The following CACNB2 variants were observed in gnomAD, a reference collection of about 807,000 sequenced individuals.
CACNB2 encodes the protein voltage-dependent L-type calcium channel subunit beta-2.
A neutral mutation model predicts 73.3 loss-of-function variants in CACNB2; 42 were observed. The observed-to-expected ratio is 0.57, with a 90% confidence interval of 0.45 to 0.74. The LOEUF (loss-of-function observed/expected upper bound fraction) is 0.74. CACNB2 is among the 30% of genes least tolerant of loss of function. CACNB2 has a pLI of 0.00. For missense variants in CACNB2, 940 were observed against 853.0 expected (o/e 1.10, Z -1.27); for synonymous variants, 348 against 310.3 (o/e 1.12, Z -1.28).
At chr10:18,195,757 A>T (rs1405337800) in intron 2 of CACNB2, among the ~76,000 whole-genome samples, 2 of 152,176 alleles carry the variant, frequency 1.3e-5, no homozygotes, top group East Asian at 3.9e-4. Flanking sequence ...ACTGGTTCTG[A>T]CACTGGTCCA....
chr10:18,489,868 G>T (rs2049308466), intron 3 of CACNB2, among the ~76,000 whole-genome samples: 1 of 152,028 alleles, frequency 6.6e-6, no homozygotes, highest in Non-Finnish European at 1.5e-5. Flanking sequence ...AACAAGACAT[G>T]GCCTTGGTGT....
chr10:18,365,404 A>G (rs1206073594), intron 2 of CACNB2, among the ~76,000 whole-genome samples: 1 of 152,172 alleles, frequency 6.6e-6, no homozygotes, highest in Non-Finnish European at 1.5e-5. Context: ...GTGACGGCCA[A>G]TTATTTACAA....
chr10:18,524,795 G>A (rs1244436761), intron 9 of CACNB2, among the ~76,000 whole-genome samples: 1 of 151,282 alleles, frequency 6.6e-6, no homozygotes, highest in Non-Finnish European at 1.5e-5. Flanking sequence ...GAGGCTAAGG[G>A]AGGAGGACTG....
At chr10:18,161,367 G>A (rs190720746) in intron 2 of CACNB2, among the ~76,000 whole-genome samples, 196 of 152,238 alleles carry the variant, frequency 1.3e-3, no homozygotes, top group Non-Finnish European at 2.1e-3. Flanking sequence ...TATGGGGATC[G>A]TGTGATTGTT....
At chr10:18,505,194 A>T (rs939869722) in intron 5 of CACNB2, among the ~76,000 whole-genome samples, 2 of 152,162 alleles carry the variant, frequency 1.3e-5, no homozygotes, top group African/African-American at 4.8e-5. Context: ...CTAAAATTCA[A>T]AGGGAATATA....
At chr10:18,248,281 T>A (rs1170397104) in intron 2 of CACNB2, among the ~76,000 whole-genome samples, 1 of 152,214 alleles carries the variant, frequency 6.6e-6, no homozygotes, top group East Asian at 1.9e-4. Flanking sequence ...ATGAGTTGGA[T>A]CTTTCAAAAA....
chr10:18,464,418 T>TTAAAAAAAAAAAAAAAAAAAAAAA (rs1360690647), intron 3 of CACNB2, among the ~76,000 whole-genome samples: 15 of 85,302 alleles, frequency 1.8e-4, no homozygotes, highest in South Asian at 5.3e-4. Flanking sequence ...TCTCAAAAAT[T>TTAAAAAAAAAAAAAAAAAAAAAAA]AAAAAAAAAA....
At chr10:18,534,040 T>C in intron 10 of CACNB2, 36 bp from the exon 11 acceptor site, 1 of 1,611,202 alleles carries the variant, frequency 6.2e-7, no homozygotes, top group South Asian at 1.1e-5. Flanking sequence ...ATCTTAAAAA[T>C]ACTGCACTTT....
chr10:18,220,004 T>C (rs2035667665), intron 2 of CACNB2, among the ~76,000 whole-genome samples: 1 of 143,912 alleles, frequency 6.9e-6, no homozygotes, highest in Admixed American at 7.0e-5. Context: ...TGACCTCAAC[T>C]GATCTGCCCT....
intron 3 of CACNB2, among the ~76,000 whole-genome samples, chr10:18,449,259 C>G (rs1022896990): frequency 6.6e-6 from 1 of 152,154 alleles, no homozygotes; most frequent in Admixed American, 6.5e-5. Context: ...GTGGCGGGCG[C>G]CTGTAGTCCC....
intron 3 of CACNB2, among the ~76,000 whole-genome samples, chr10:18,450,241 A>C (rs572730269): frequency 7.0e-4 from 107 of 152,332 alleles, no homozygotes; most frequent in African/African-American, 2.5e-3. Context: ...ATGTTTACTA[A>C]ATCACAGGGT....
At chr10:18,343,162 C>A (rs2041302163) in intron 2 of CACNB2, among the ~76,000 whole-genome samples, 1 of 152,116 alleles carries the variant, frequency 6.6e-6, no homozygotes, top group Admixed American at 6.6e-5. Context: ...ATTTATGAAT[C>A]CTGGTATCAT....
At chr10:18,189,805 A>G (rs2034315584) in intron 2 of CACNB2, among the ~76,000 whole-genome samples, 1 of 152,192 alleles carries the variant, frequency 6.6e-6, no homozygotes, top group Non-Finnish European at 1.5e-5. Flanking sequence ...GGACCAGTTT[A>G]GATCACCACT....
intron 2 of CACNB2, among the ~76,000 whole-genome samples, chr10:18,387,002 C>G (rs937897571): frequency 3.3e-5 from 5 of 152,170 alleles, no homozygotes; most frequent in Non-Finnish European, 5.9e-5. Flanking sequence ...CATAATTAAA[C>G]GCTCCAGCGT....
intron 2 of CACNB2, among the ~76,000 whole-genome samples, chr10:18,313,212 A>G (rs1460160599): frequency 6.6e-6 from 1 of 150,790 alleles, no homozygotes; most frequent in South Asian, 2.1e-4. Flanking sequence ...TCCCACTAGC[A>G]CTGAGCAATA....
intron 3 of CACNB2, among the ~76,000 whole-genome samples, chr10:18,413,288 T>C (rs968648544): frequency 1.3e-5 from 2 of 152,210 alleles, no homozygotes; most frequent in Non-Finnish European, 2.9e-5. Context: ...ATTTTATGTA[T>C]TGGGACCTTT....
intron 2 of CACNB2, among the ~76,000 whole-genome samples, chr10:18,350,912 G>A (rs1264194538): frequency 3.9e-5 from 6 of 152,120 alleles, no homozygotes; most frequent in South Asian, 2.1e-4. Context: ...AGCTCAAGCC[G>A]TCATCTATCA....
chr10:18,404,487 T>C (rs1739315852), intron 3 of CACNB2, among the ~76,000 whole-genome samples: 1 of 152,216 alleles, frequency 6.6e-6, no homozygotes, highest in Non-Finnish European at 1.5e-5. Flanking sequence ...ATTCATGCTA[T>C]TTAACTTTAA....
chr10:18,485,168 C>T (rs7077250), intron 3 of CACNB2, among the ~76,000 whole-genome samples: 20,657 of 152,052 alleles, frequency 0.14, 1,592 homozygotes, highest in Admixed American at 0.18. Context: ...TGTTTCAAAA[C>T]ATATTGTAGG....
Sources: gnomAD v4.1 joint callset for allele counts (sites outside exome capture counted in the v4.1 genomes callset) on GRCh38, gnomAD v4.1.1 for gene constraint, MANE v1.5 for transcripts, NCBI Gene and HGNC (gene_info 2026-07-23, HGNC 2026-07-21) for gene names.